PTP4A1: variants seen among roughly 807,000 people sequenced by gnomAD.
PTP4A1 encodes the protein protein tyrosine phosphatase type IVA 1.
Under a neutral mutation model 20.5 loss-of-function variants are expected in PTP4A1, and 9 were observed. The ratio of observed to expected loss-of-function variants is 0.44; its 90% confidence interval spans 0.26 to 0.77. The LOEUF (loss-of-function observed/expected upper bound fraction) is 0.77. Ranked by LOEUF, PTP4A1 falls within the 30% of genes least tolerant of loss-of-function variation. The pLI is 0.19. For missense variants in PTP4A1, 137 were observed against 218.8 expected, an observed-to-expected ratio of 0.63 and a Z score of 2.36; for synonymous variants, 78 against 67.4, an observed-to-expected ratio of 1.16 and a Z score of -0.77.
chr6:63,530,201 A>T (rs1775393470), intron 2 of PTP4A1, among the ~76,000 whole-genome samples: 1 of 152,224 alleles, frequency 6.6e-6, no homozygotes, highest in East Asian at 1.9e-4. Context: ...ACAGCCATGA[A>T]GTTAATTTAC....
At chr6:63,551,078 T>C (rs2149490110) in intron 3 of PTP4A1, among the ~76,000 whole-genome samples, 1 of 152,182 alleles carries the variant, frequency 6.6e-6, no homozygotes, top group African/African-American at 2.4e-5. Context: ...TTGTTGCTGT[T>C]GTTTTGAGAT....
chr6:63,520,414 G>A (rs1161071272), upstream of PTP4A1, among the ~76,000 whole-genome samples: 1 of 152,024 alleles, frequency 6.6e-6, no homozygotes, highest in Non-Finnish European at 1.5e-5. Context: ...ATCACTTGAG[G>A]CCAGGAGTTC....
chr6:63,523,469 C>CCACTG (rs1162778092), intron 1 of PTP4A1, among the ~76,000 whole-genome samples: 1 of 151,928 alleles, frequency 6.6e-6, no homozygotes, highest in Non-Finnish European at 1.5e-5. Context: ...CATGATCGTG[C>CCACTG]CACTGCACTC....
At chr6:63,551,827 A>G (rs2149490573) in intron 3 of PTP4A1, among the ~76,000 whole-genome samples, 1 of 152,286 alleles carries the variant, frequency 6.6e-6, no homozygotes, top group Admixed American at 6.5e-5. Context: ...TTTGCTGAGA[A>G]TGATGGTTTC....
At position 63,576,561 on chromosome 6, in the gene PTP4A1, G is replaced by C. The variant is rs961059332; in HGVS notation, c.-320G>C. 3 of 446,196 alleles carry C rather than the reference G, an allele frequency of 6.7e-6. No individual in the cohort carries two copies. The highest frequency in any genetic ancestry group is 1.2e-5 in the Non-Finnish European group (3 of 254,364). The allele number at this position is 446,196 out of a possible 1,614,324, so 27.6% of individuals were successfully genotyped here. The stretch of plus-strand genomic sequence containing the variant: ...TAGAAACTGATTACTGCTCCACCAA[G>C]AAGCCCCCATAAGAGTGGTTATCCT... On this transcript the variant is annotated 5_prime_UTR_variant, in exon 2 of 6. Transcript: ENST00000626021.
At chr6:63,538,608 T>G (rs137916615) in intron 2 of PTP4A1, among the ~76,000 whole-genome samples, 7 of 152,114 alleles carry the variant, frequency 4.6e-5, no homozygotes. Context: ...AGAAATAGCA[T>G]GCAAAAAGAA....
At chr6:63,575,048 G>A (rs1165652301) in intron 1 of PTP4A1, among the ~76,000 whole-genome samples, 1 of 152,142 alleles carries the variant, frequency 6.6e-6, no homozygotes, top group African/African-American at 2.4e-5. Flanking sequence ...AGTAGACTGG[G>A]TTTTTGACTT....
At chr6:63,535,998 C>T (rs180980214) in intron 2 of PTP4A1, among the ~76,000 whole-genome samples, 130 of 151,310 alleles carry the variant, frequency 8.6e-4, no homozygotes, top group African/African-American at 2.8e-3. Flanking sequence ...GCCTGGAACT[C>T]GTGACATCAG....
Position 63,572,539 on chromosome 6 carries a change from C to G in PTP4A1, c.-626C>G, listed in dbSNP as rs559134641. ...GCCGGCTCGGCTACGCGCTCTGCTC[C>G]GAGCCGCTCACTGCATGGTAGAGTC... On this transcript the variant is annotated 5_prime_UTR_variant, in exon 1 of 6. Coordinates refer to ENST00000626021, the MANE Select transcript of PTP4A1 (RefSeq NM_003463.5). 2.3e-5 allele frequency: 9 copies of G among 395,666 alleles called. No homozygotes were observed. Among genetic ancestry groups the G allele is most frequent in the Middle Eastern group, 6.4e-4 (1 of 1,568 alleles). 24.5% of individuals were successfully genotyped at this position (395,666 alleles called of 1,614,324 possible). A position where few individuals can be genotyped will look rare whatever the true frequency, so the allele number is the denominator to read the frequency against.
In PTP4A1 at chr6:63,525,886, T is replaced by C. The variant is rs78076952; in HGVS notation, c.-905-1933T>C. On this transcript the variant is annotated intron_variant, in intron 1 of 3. Coordinates refer to the PTP4A1 transcript ENST00000639568. ...ACCCTGACTGATACAAATGTTAATA[T>C]TTGAGTTCTAGTGAGTTGGGACATT... Among the ~76,000 whole-genome samples the C allele has an allele frequency of 2.3e-3, 348 of 152,330 alleles. 4 individuals are homozygous for C. The highest frequency in any genetic ancestry group is 0.019 in the Admixed American group (296 of 15,298).
intron 3 of PTP4A1, among the ~76,000 whole-genome samples, chr6:63,556,584 G>A (rs113718750): frequency 0.017 from 2,545 of 152,298 alleles, 34 homozygotes; most frequent in Middle Eastern, 0.041. Flanking sequence ...TGCATAATGG[G>A]AGGATGATAC....
chr6:63,542,009 A>G (rs1775997511), intron 2 of PTP4A1, among the ~76,000 whole-genome samples: 1 of 144,620 alleles, frequency 6.9e-6, no homozygotes, highest in Admixed American at 7.3e-5. Flanking sequence ...CATTTGGTGG[A>G]TAAAGAAACT....
At chr6:63,525,118 A>G (rs544720578) in intron 1 of PTP4A1, among the ~76,000 whole-genome samples, 1 of 152,296 alleles carries the variant, frequency 6.6e-6, no homozygotes, top group South Asian at 2.1e-4. Context: ...GGCTGTTTCA[A>G]AGGTGAAGAT....
Position 63,580,165 on chromosome 6 carries a change from C to A in PTP4A1, c.513C>A (p.Cys171Ter). Residue 171 changes from cysteine (C) to a stop codon, truncating the protein, a stop_gained, in exon 6 of 6, where the codon TGC becomes TGA. Transcript: ENST00000626021. LOFTEE classifies it high-confidence loss of function. ...CCAACGGTCATAGAAACAACTGTTG[C>A]ATTCAATAAAATTGGGGTGCCTAAT... The part of the protein sequence containing the change: ...KDSNGHRNNC[C>*]IQ 1 of 1,609,336 alleles carries A rather than the reference C, an allele frequency of 6.2e-7. No individual in the cohort carries two copies. The highest frequency in any genetic ancestry group is 8.5e-7 in the Non-Finnish European group (1 of 1,176,214).
intron 2 of PTP4A1, among the ~76,000 whole-genome samples, chr6:63,531,571 C>T (rs1775467536): frequency 6.8e-6 from 1 of 146,982 alleles, no homozygotes; most frequent in African/African-American, 2.5e-5. Flanking sequence ...CTCACTGCAG[C>T]CTCAACCTCC....
upstream of PTP4A1, among the ~76,000 whole-genome samples, chr6:63,570,421 T>C (rs1400612282): frequency 6.6e-6 from 1 of 152,252 alleles, no homozygotes; most frequent in East Asian, 1.9e-4. Context: ...CATAGTAGGA[T>C]AAGATGGTAC....
chr6:63,516,750 G>A (rs1028411080), upstream of PTP4A1, among the ~76,000 whole-genome samples: 2 of 152,182 alleles, frequency 1.3e-5, no homozygotes, highest in Non-Finnish European at 2.9e-5. Context: ...AATGGCATGT[G>A]CTACTTCTGG....
At chr6:63,536,670 G>A (rs1172212934) in intron 2 of PTP4A1, among the ~76,000 whole-genome samples, 3 of 151,934 alleles carry the variant, frequency 2.0e-5, no homozygotes, top group African/African-American at 7.3e-5. Flanking sequence ...TATCCACAAG[G>A]ATAATAAATA....
At chr6:63,537,868 G>A (rs1211293) in intron 2 of PTP4A1, among the ~76,000 whole-genome samples, 5 of 152,068 alleles carry the variant, frequency 3.3e-5, no homozygotes, top group South Asian at 2.1e-4. Flanking sequence ...GGCCACGGCC[G>A]TAGTGAGAGA....
Sources: allele counts gnomAD v4.1 joint callset (sites outside exome capture counted in the v4.1 genomes callset), GRCh38; gene constraint gnomAD v4.1.1; transcripts MANE v1.5; gene names NCBI Gene and HGNC (gene_info 2026-07-23, HGNC 2026-07-21).